The following CAST variants were observed in gnomAD, a reference collection of about 807,000 sequenced individuals.
CAST encodes MIR583 host.
CAST carries 76 observed loss-of-function variants against 119.6 expected under a neutral mutation model. The ratio of observed to expected loss-of-function variants is 0.64; its 90% CI spans 0.53 to 0.77. CAST has a LOEUF of 0.77. CAST is among the 30% of genes least tolerant of loss of function. The probability of loss-of-function intolerance (pLI) is 0.00; values close to 1 mark genes in which losing one functional copy is unlikely to be tolerated. For synonymous variants in CAST, 319 were observed against 331.6 expected (o/e 0.96, Z 0.41); for missense variants, 953 against 946.5 (o/e 1.01, Z -0.09).
the CAST span, among the ~76,000 whole-genome samples, chr5:96,023,207 T>G: frequency 6.6e-6 from 1 of 152,192 alleles, no homozygotes; most frequent in African/African-American, 2.4e-5. Flanking sequence ...AAAGGGAAGT[T>G]GTGCTCCAGA....
chr5:96,670,327 G>A (rs927167975), intron 1 of CAST, among the ~76,000 whole-genome samples: 22 of 151,866 alleles, frequency 1.4e-4, no homozygotes, highest in African/African-American at 5.1e-4. Context: ...ACTTTAGAAT[G>A]TTTTCCTTTC....
chr5:96,202,268 ATAT>A, the CAST span, among the ~76,000 whole-genome samples: 1 of 152,144 alleles, frequency 6.6e-6, no homozygotes, highest in African/African-American at 2.4e-5. Flanking sequence ...AGTTAATATG[ATAT>A]TATTAACATA....
the CAST span, among the ~76,000 whole-genome samples, chr5:96,147,122 T>G: frequency 6.6e-6 from 1 of 152,218 alleles, no homozygotes; most frequent in Non-Finnish European, 1.5e-5. Context: ...AAGAGTTTCA[T>G]GAGCCCTCAA....
chr5:96,656,418 G>T (rs1188815630), intron 1 of CAST, among the ~76,000 whole-genome samples: 1 of 152,162 alleles, frequency 6.6e-6, no homozygotes, highest in African/African-American at 2.4e-5. Flanking sequence ...AGAGAGTGCA[G>T]CTCATTAAGT....
the CAST span, among the ~76,000 whole-genome samples, chr5:96,021,886 A>G: frequency 6.6e-6 from 1 of 152,224 alleles, no homozygotes; most frequent in Non-Finnish European, 1.5e-5. Context: ...TACATCAAAA[A>G]CAGTTGGTCT....
At chr5:96,069,385 ATGTGTGTG>A in the CAST span, among the ~76,000 whole-genome samples, 2 of 96,156 alleles carry the variant, frequency 2.1e-5, no homozygotes, top group Non-Finnish European at 4.3e-5. Flanking sequence ...GTGTGTGTCT[ATGTGTGTG>A]TGTGTGTGTG....
At chr5:96,406,909 C>T in the CAST span, among the ~76,000 whole-genome samples, 2 of 152,076 alleles carry the variant, frequency 1.3e-5, no homozygotes, top group African/African-American at 2.4e-5. Context: ...GGAATGAGGA[C>T]ACATAAAAAG....
At chr5:96,419,055 C>A in the CAST span, among the ~76,000 whole-genome samples, 1 of 151,862 alleles carries the variant, frequency 6.6e-6, no homozygotes, top group Non-Finnish European at 1.5e-5. Context: ...TATGTCCAAG[C>A]CAAATATCCT....
At chr5:96,022,738 T>C in the CAST span, among the ~76,000 whole-genome samples, 1 of 152,198 alleles carries the variant, frequency 6.6e-6, no homozygotes, top group Non-Finnish European at 1.5e-5. Flanking sequence ...TTCATACGAT[T>C]GTGGGGGCTG....
At chr5:96,346,180 T>C in the CAST span, among the ~76,000 whole-genome samples, 1 of 152,066 alleles carries the variant, frequency 6.6e-6, no homozygotes, top group Non-Finnish European at 1.5e-5. Context: ...TTGGCTATGG[T>C]AGATAAAGGA....
chr5:96,475,780 G>C, the CAST span, among the ~76,000 whole-genome samples: 1 of 152,206 alleles, frequency 6.6e-6, no homozygotes, highest in African/African-American at 2.4e-5. Context: ...GACTACAAAA[G>C]AGGGGACCTG....
At chr5:95,969,995 A>G in the CAST span, among the ~76,000 whole-genome samples, 1 of 152,182 alleles carries the variant, frequency 6.6e-6, no homozygotes, top group Non-Finnish European at 1.5e-5. Flanking sequence ...ATTTAGAATT[A>G]TGACTATGGT....
intron 1 of CAST, among the ~76,000 whole-genome samples, chr5:96,605,128 A>G (rs1022898844): frequency 2.0e-5 from 3 of 152,218 alleles, no homozygotes; most frequent in Non-Finnish European, 4.4e-5. Context: ...ACTGAAATAC[A>G]AAACTGAGGA....
At chr5:96,538,613 A>T (rs1347255760) in intron 1 of CAST, among the ~76,000 whole-genome samples, 2 of 152,156 alleles carry the variant, frequency 1.3e-5, no homozygotes, top group Non-Finnish European at 2.9e-5. Context: ...GGAGATGTTC[A>T]AGTAGTTAAA....
the CAST span, among the ~76,000 whole-genome samples, chr5:96,206,406 A>G: frequency 2.8e-4 from 43 of 152,166 alleles, no homozygotes; most frequent in African/African-American, 9.1e-4. Context: ...GGTATTTCCT[A>G]GGTTTTCTTC....
intron 2 of CAST, among the ~76,000 whole-genome samples, chr5:96,687,212 C>T (rs190911919): frequency 1.3e-5 from 2 of 152,072 alleles, no homozygotes; most frequent in Non-Finnish European, 2.9e-5. Flanking sequence ...GGGACTTGAT[C>T]GGATAGCAAG....
the CAST span, among the ~76,000 whole-genome samples, chr5:96,117,358 T>G: frequency 2.6e-5 from 4 of 152,326 alleles, no homozygotes; most frequent in Admixed American, 1.3e-4. Flanking sequence ...CTTGGTGATG[T>G]ACCACATAGC....
chr5:96,328,504 T>C, the CAST span, among the ~76,000 whole-genome samples: 1 of 151,288 alleles, frequency 6.6e-6, no homozygotes, highest in African/African-American at 2.4e-5. Context: ...TGTACACTTT[T>C]CAGAGGAGCA....
chr5:96,643,652 A>C (rs1040228513), intron 1 of CAST, among the ~76,000 whole-genome samples: 1 of 152,174 alleles, frequency 6.6e-6, no homozygotes, highest in African/African-American at 2.4e-5. Flanking sequence ...AGGTGGGTGG[A>C]TCACGAGGTC....
Sources: allele counts gnomAD v4.1 joint callset (sites outside exome capture counted in the v4.1 genomes callset), GRCh38; gene constraint gnomAD v4.1.1; transcripts MANE v1.5; gene names NCBI Gene and HGNC (gene_info 2026-07-23, HGNC 2026-07-21).